The following RARB variants were observed in gnomAD, a reference collection of about 807,000 sequenced individuals.
RARB encodes HBV-activated protein.
A neutral mutation model predicts 51.9 loss-of-function variants in RARB; 17 were observed. The ratio of observed to expected loss-of-function variants is 0.33; its 90% CI spans 0.22 to 0.49. The LOEUF (loss-of-function observed/expected upper bound fraction) is 0.49, where lower values mean the gene tolerates loss of function less well. Among genes scored for constraint, RARB ranks in the 20% least tolerant of loss-of-function variants. The pLI is 0.99. For synonymous variants in RARB, 215 were observed against 195.4 expected (o/e 1.10, Z -0.84); for missense variants, 369 against 550.8 (o/e 0.67, Z 3.30).
At chr3:25,454,754 T>C (rs1204698182) in intron 1 of RARB, among the ~76,000 whole-genome samples, 1 of 152,014 alleles carries the variant, frequency 6.6e-6, no homozygotes, top group Non-Finnish European at 1.5e-5. Flanking sequence ...TTTAGAAAAA[T>C]GCCAAGCATG....
intron 5 of RARB, among the ~76,000 whole-genome samples, chr3:25,196,629 T>C (rs1034712462): frequency 2.0e-5 from 3 of 152,050 alleles, no homozygotes; most frequent in South Asian, 4.1e-4. Context: ...AGTTCTAGAT[T>C]CTTGAGGAAT....
chr3:24,987,198 T>A (rs1275352265), intron 2 of RARB, among the ~76,000 whole-genome samples: 2 of 152,206 alleles, frequency 1.3e-5, no homozygotes, highest in Admixed American at 1.3e-4. Context: ...ATAAACTTAA[T>A]CACCTGCTAT....
chr3:25,534,767 G>A (rs1347280432), intron 3 of RARB, among the ~76,000 whole-genome samples: 2 of 152,062 alleles, frequency 1.3e-5, no homozygotes, highest in Admixed American at 1.3e-4. Flanking sequence ...TTTGGGACTA[G>A]CACCTAAGCC....
chr3:24,830,699 A>C (rs893833395), intron 1 of RARB, among the ~76,000 whole-genome samples: 1 of 151,626 alleles, frequency 6.6e-6, no homozygotes, highest in African/African-American at 2.4e-5. Flanking sequence ...CCGTCTGTCT[A>C]TCTGGAGGGG....
chr3:25,488,941 A>G (rs1471905187), intron 2 of RARB, among the ~76,000 whole-genome samples: 2 of 152,180 alleles, frequency 1.3e-5, no homozygotes, highest in South Asian at 2.1e-4. Context: ...CTCCAGTGTA[A>G]TCAAAAGGCT....
intron 2 of RARB, among the ~76,000 whole-genome samples, chr3:24,957,837 A>G (rs1374642752): frequency 6.6e-6 from 1 of 152,172 alleles, no homozygotes; most frequent in Non-Finnish European, 1.5e-5. Flanking sequence ...AAGTGATCAT[A>G]TCTCCAGTAT....
intron 5 of RARB, among the ~76,000 whole-genome samples, chr3:25,234,084 G>C (rs1702247310): frequency 6.6e-6 from 1 of 152,012 alleles, no homozygotes; most frequent in South Asian, 2.1e-4. Flanking sequence ...TAACAGAATT[G>C]AGAAATATTA....
intron 5 of RARB, among the ~76,000 whole-genome samples, chr3:25,181,257 A>G (rs1051241973): frequency 1.3e-5 from 2 of 152,188 alleles, no homozygotes; most frequent in Non-Finnish European, 2.9e-5. Context: ...TATGAAGCTT[A>G]TAACATTCCT....
intron 1 of RARB, among the ~76,000 whole-genome samples, chr3:24,851,177 G>A (rs536599643): frequency 5.3e-5 from 8 of 152,248 alleles, no homozygotes; most frequent in African/African-American, 1.9e-4. Flanking sequence ...GCTCATGCCT[G>A]TAATCCCAGC....
chr3:25,172,005 T>C (rs1347560), intron 4 of RARB, among the ~76,000 whole-genome samples: 2,437 of 152,284 alleles, frequency 0.016, 58 homozygotes, highest in African/African-American at 0.051. Context: ...AGTTTGAAAG[T>C]TTGAAAAAGG....
chr3:24,951,039 G>A (rs1171736443), intron 2 of RARB, among the ~76,000 whole-genome samples: 2 of 152,186 alleles, frequency 1.3e-5, no homozygotes, highest in Non-Finnish European at 2.9e-5. Flanking sequence ...AGCAGGGCAA[G>A]CTAGTAGGGA....
At chr3:25,070,765 A>G (rs1698751239) in intron 3 of RARB, among the ~76,000 whole-genome samples, 1 of 152,244 alleles carries the variant, frequency 6.6e-6, no homozygotes, top group African/African-American at 2.4e-5. Context: ...AGGTATGTTC[A>G]GGTATTTTAG....
intron 5 of RARB, among the ~76,000 whole-genome samples, chr3:25,321,672 A>G (rs11711864): frequency 0.6 from 90,990 of 151,526 alleles, 27,675 homozygotes; most frequent in East Asian, 0.88. Flanking sequence ...AGCCGAGATC[A>G]TGCCACTGTA....
intron 3 of RARB, among the ~76,000 whole-genome samples, chr3:25,551,299 T>C (rs976580107): frequency 9.2e-5 from 14 of 152,218 alleles, no homozygotes; most frequent in Admixed American, 9.2e-4. Flanking sequence ...TACTTTTTAC[T>C]GTTCATTGTC....
intron 5 of RARB, among the ~76,000 whole-genome samples, chr3:25,387,048 G>T (rs1706816164): frequency 6.6e-6 from 1 of 152,168 alleles, no homozygotes; most frequent in Admixed American, 6.6e-5. Context: ...TTTAAGACCA[G>T]TTCTGCCAGA....
chr3:25,531,288 A>T (rs1330269277), intron 3 of RARB, among the ~76,000 whole-genome samples: 2 of 152,130 alleles, frequency 1.3e-5, no homozygotes, highest in African/African-American at 2.4e-5. Flanking sequence ...AAGCAAAGAG[A>T]TACAAGTGTG....
chr3:24,951,594 C>T (rs1444311589), intron 2 of RARB, among the ~76,000 whole-genome samples: 1 of 152,134 alleles, frequency 6.6e-6, no homozygotes, highest in Non-Finnish European at 1.5e-5. Context: ...CATCCCTCTA[C>T]TAGGCATCCA....
chr3:25,580,633 G>T lies in RARB; in HGVS notation c.697G>T (p.Val233Leu), dbSNP rs1341316057. The part of the protein sequence containing the change: ...ELATKCIIKI[V>L]EFAKRLPGFT... ...GGCCACCAAGTGCATTATTAAGATC[G>T]TGGAGTTTGCTAAACGTCTGCCTGG... Residue 233 changes from valine (V) to leucine (L), a missense_variant, in exon 5 of 8, where the codon GTG (valine) becomes TTG (leucine). This residue lies in a region of RARB where 49 missense variants were observed against 103.4 expected (regional missense o/e 0.47). Coordinates refer to ENST00000330688, the MANE Select transcript of RARB (RefSeq NM_000965.5). 6.2e-7 allele frequency: 1 copy of T among 1,613,040 alleles called. No homozygotes were observed. The highest frequency in any genetic ancestry group is 1.7e-5 in the Admixed American group (1 of 60,008).
intron 5 of RARB, among the ~76,000 whole-genome samples, chr3:25,242,298 T>G (rs1043037748): frequency 6.6e-6 from 1 of 152,218 alleles, no homozygotes; most frequent in African/African-American, 2.4e-5. Flanking sequence ...GTGCAGAAAC[T>G]CTTTAGTTTA....
Sources: gnomAD v4.1 joint callset for allele counts (sites outside exome capture counted in the v4.1 genomes callset) on GRCh38, gnomAD v4.1.1 for gene constraint, gnomAD v4.1.1 regional missense constraint, MANE v1.5 for transcripts, NCBI Gene and HGNC (gene_info 2026-07-23, HGNC 2026-07-21) for gene names.